SCN2A: variants seen among roughly 807,000 people sequenced by gnomAD.
SCN2A encodes the protein sodium channel protein type 2 subunit alpha.
SCN2A carries 20 observed loss-of-function variants against 188.7 expected under a neutral mutation model. The ratio of observed to expected loss-of-function variants is 0.11; its 90% confidence interval spans 0.07 to 0.15. SCN2A has a LOEUF of 0.15. Among genes scored for constraint, SCN2A ranks in the 10% least tolerant of loss-of-function variants. SCN2A has a pLI of 1.00. For synonymous variants in SCN2A, 804 were observed against 833.1 expected, an observed-to-expected ratio of 0.97 and a Z score of 0.60; for missense variants, 1,278 against 2,445.0, an observed-to-expected ratio of 0.52 and a Z score of 10.07.
intron 1 of SCN2A, among the ~76,000 whole-genome samples, chr2:165,265,468 GATCTATATAT>G (rs1439433904): frequency 1.5e-3 from 30 of 19,778 alleles, no homozygotes; most frequent in Admixed American, 3.7e-3. Flanking sequence ...TTACTCTGTT[GATCTATATAT>G]ATATATATAT....
At chr2:165,348,001 G>T (rs1022840897) in intron 16 of SCN2A, among the ~76,000 whole-genome samples, 1 of 152,092 alleles carries the variant, frequency 6.6e-6, no homozygotes, top group Non-Finnish European at 1.5e-5. Flanking sequence ...TAATTACACC[G>T]AGTTGCTTAA....
At chr2:165,250,589 A>G (rs1298108967) in intron 1 of SCN2A, among the ~76,000 whole-genome samples, 4 of 151,868 alleles carry the variant, frequency 2.6e-5, no homozygotes, top group Non-Finnish European at 5.9e-5. Flanking sequence ...CTCTAACTCC[A>G]TGAGTAATTT....
chr2:165,386,603 T>A, intron 25 of SCN2A, 143 bp from the exon 26 acceptor site: 1 of 465,126 alleles, frequency 2.1e-6, no homozygotes, highest in Non-Finnish European at 3.3e-6. Flanking sequence ...TTGCAAGGAA[T>A]TTTTTTTTTT....
intron 1 of SCN2A, chr2:165,269,310 A>T (rs553274605): frequency 6.6e-6 from 1 of 152,174 alleles, no homozygotes; most frequent in South Asian, 2.1e-4. Flanking sequence ...AAAATATTGG[A>T]TTATTAACTC....
At position 165,307,954 on chromosome 2, in the gene SCN2A, T is replaced by C; in HGVS notation, c.476+17T>C. 5.3e-6 allele frequency: 8 copies of C among 1,504,542 alleles called. No homozygotes were observed. The highest frequency in any genetic ancestry group is 6.5e-6 in the Non-Finnish European group (7 of 1,080,512). 93.2% of individuals were successfully genotyped at this position (1,504,542 alleles called of 1,614,324 possible). A position where few individuals can be genotyped will look rare whatever the true frequency, so the allele number is the denominator to read the frequency against. ...GAATGTGGAGTAAGTATAAATATTT[T>C]TCAATATTGACCTCCCTTTATGTTT... On this transcript the variant is annotated intron_variant, in intron 4 of 26. Coordinates refer to ENST00000375437, the MANE Select transcript of SCN2A (RefSeq NM_001040142.2).
rs748214501 is a variant in SCN2A, at chr2:165,249,532, G to A, written c.-52+9892G>A. Among the ~76,000 whole-genome samples the A allele has an allele frequency of 4.6e-5, 7 of 151,964 alleles. No homozygotes were observed. The South Asian group carries it at 8.3e-4, about 18-fold the overall frequency. ...TGTTTTTAGTTTCAGTTAGAAGCAC[G>A]CCTTAGCTTAGTGAATAAGGGACAA... On this transcript the variant is annotated intron_variant, in intron 1 of 26. Coordinates refer to ENST00000375437, the MANE Select transcript of SCN2A (RefSeq NM_001040142.2).
chr2:165,291,519 C>CTTT (rs1270743491), intron 1 of SCN2A, among the ~76,000 whole-genome samples: 9 of 51,862 alleles, frequency 1.7e-4, no homozygotes, highest in African/African-American at 2.9e-4. Flanking sequence ...TTCTTCCTCT[C>CTTT]CTTTCTTTCC....
intron 25 of SCN2A, among the ~76,000 whole-genome samples, chr2:165,382,988 G>A (rs1701683060): frequency 6.6e-6 from 1 of 152,064 alleles, no homozygotes. Flanking sequence ...TAGTGGTAGG[G>A]GTGTGTGGAA....
intron 14 of SCN2A, among the ~76,000 whole-genome samples, chr2:165,339,283 G>C (rs1209097606): frequency 6.6e-6 from 1 of 151,278 alleles, no homozygotes; most frequent in African/African-American, 2.4e-5. Context: ...TTACTTATCA[G>C]TGAAATGTTG....
At chr2:165,305,035 A>T (rs1175017753) in intron 3 of SCN2A, among the ~76,000 whole-genome samples, 1 of 152,212 alleles carries the variant, frequency 6.6e-6, no homozygotes, top group Non-Finnish European at 1.5e-5. Context: ...ATTAGATTTG[A>T]TGCTAGTCTT....
chr2:165,260,949 G>C (rs1006888595), intron 1 of SCN2A, among the ~76,000 whole-genome samples: 10 of 123,410 alleles, frequency 8.1e-5, no homozygotes, highest in Non-Finnish European at 4.8e-5. Context: ...CAGCCTGGGT[G>C]ACAAGAGTGA....
intron 22 of SCN2A, among the ~76,000 whole-genome samples, chr2:165,375,463 T>C (rs575168190): frequency 3.3e-5 from 5 of 152,068 alleles, no homozygotes; most frequent in African/African-American, 1.2e-4. Context: ...ACACTGTATA[T>C]GTATATATCT....
chr2:165,271,651 C>G (rs564891171), intron 1 of SCN2A: 18 of 151,944 alleles, frequency 1.2e-4, no homozygotes, highest in Non-Finnish European at 2.6e-4. Context: ...AAATGTATTC[C>G]CCTGTCTGGC....
At chr2:165,245,261 G>A (rs1250224112) in intron 1 of SCN2A, 3 of 152,128 alleles carry the variant, frequency 2.0e-5, no homozygotes, top group Non-Finnish European at 2.9e-5. Context: ...ATTTAATCAC[G>A]GGGGTGGTTA....
intron 4 of SCN2A, 49 bp downstream of exon 4, chr2:165,307,986 G>A: frequency 1.5e-6 from 2 of 1,302,224 alleles, no homozygotes; most frequent in East Asian, 2.3e-5. Context: ...GTTTCATATT[G>A]TGCTTTTAAC....
At chr2:165,309,069 G>A (rs1697290998) in intron 5 of SCN2A, 1 of 1,345,666 alleles carries the variant, frequency 7.4e-7, no homozygotes, top group East Asian at 2.3e-5. Flanking sequence ...TGGGAAAGCT[G>A]ATGGCGACAC....
At chr2:165,329,388 T>G (rs1181475110) in intron 13 of SCN2A, among the ~76,000 whole-genome samples, 4 of 152,192 alleles carry the variant, frequency 2.6e-5, no homozygotes, top group Non-Finnish European at 4.4e-5. Context: ...CTGTAAGTGA[T>G]TCTATGTGGA....
At chr2:165,308,266 A>G (rs1035609512) in intron 4 of SCN2A, among the ~76,000 whole-genome samples, 3 of 152,084 alleles carry the variant, frequency 2.0e-5, no homozygotes, top group Non-Finnish European at 4.4e-5. Flanking sequence ...TTTTTTAATG[A>G]CTACCACAGT....
intron 17 of SCN2A, among the ~76,000 whole-genome samples, chr2:165,360,973 A>G (rs1700432392): frequency 6.6e-6 from 1 of 151,936 alleles, no homozygotes; most frequent in Admixed American, 6.6e-5. Flanking sequence ...ATTGGTGACT[A>G]TGTACTACAG....
Sources: allele counts gnomAD v4.1 joint callset (sites outside exome capture counted in the v4.1 genomes callset), GRCh38; gene constraint gnomAD v4.1.1; transcripts MANE v1.5; gene names NCBI Gene and HGNC (gene_info 2026-07-23, HGNC 2026-07-21).